Variants in MCM3AP observed in about 807,000 individuals in gnomAD.
The protein encoded by MCM3AP is germinal-center associated nuclear protein.
In MCM3AP, 126 loss-of-function variants were observed where a neutral mutation model predicts 184.1. The observed-to-expected ratio is 0.68, with a 90% confidence interval of 0.59 to 0.79. MCM3AP has a LOEUF of 0.79. Ranked by LOEUF, MCM3AP falls within the 30% of genes least tolerant of loss-of-function variation. The pLI, the probability that MCM3AP is intolerant of heterozygous loss-of-function variation, is 0.00. For missense variants in MCM3AP, 2,496 were observed against 2,479.2 expected (o/e 1.01, Z -0.14); for synonymous variants, 1,002 against 979.3 (o/e 1.02, Z -0.43).
At chr21:46,270,169 T>C in intron 9 of MCM3AP, 1 of 376,612 alleles carries the variant, frequency 2.7e-6, no homozygotes, top group Middle Eastern at 6.7e-4. Flanking sequence ...AGATTTTTCT[T>C]ATTTGAACCA....
chr21:46,247,079 C>T lies in MCM3AP; in HGVS notation c.4291-193G>A, dbSNP rs562776923. The T allele has an allele frequency of 2.7e-5, 15 of 564,612 alleles. No homozygotes were observed. In the East Asian group the frequency reaches 3.7e-4, roughly 14 times the overall value. 35.0% of individuals were successfully genotyped at this position (564,612 alleles called of 1,614,324 possible). ...TCCTGTAGTTATTTTAATTCCTGGC[C>T]CCTCTTTCCCTAAATCCAATTGTTA... On this transcript the variant is annotated intron_variant, in intron 20 of 27. Coordinates refer to ENST00000291688, the MANE Select transcript of MCM3AP (RefSeq NM_003906.5).
At chr21:46,242,070 A>G (rs2123815319) in intron 25 of MCM3AP, 1 of 152,188 alleles carries the variant, frequency 6.6e-6, no homozygotes, top group Non-Finnish European at 1.5e-5. Flanking sequence ...TTGAACTGAG[A>G]ATGGTTCTAT....
intron 26 of MCM3AP, among the ~76,000 whole-genome samples, chr21:46,237,242 T>C (rs978567848): frequency 2.0e-5 from 3 of 151,762 alleles, no homozygotes; most frequent in Non-Finnish European, 4.4e-5. Flanking sequence ...GCTGGGATTA[T>C]AGGCAAGTGC....
chr21:46,283,856 G>A lies in MCM3AP; in HGVS notation c.1220-18C>T. ...TAGAGAATCTAGGGGTTCAGAGAATGGACACTTAAACCATCAGATGTTTCC... is the reference window on the plus strand; with the variant it reads ...TAGAGAATCTAGGGGTTCAGAGAATAGACACTTAAACCATCAGATGTTTCC... On this transcript the variant is annotated intron_variant, in intron 1 of 27. Coordinates refer to ENST00000291688, the MANE Select transcript of MCM3AP (RefSeq NM_003906.5). 1 of 1,598,478 alleles carries A rather than the reference G, an allele frequency of 6.3e-7. No individual in the cohort carries two copies. The highest frequency in any genetic ancestry group is 8.6e-7 in the Non-Finnish European group (1 of 1,167,678).
In MCM3AP at chr21:46,260,868, C is replaced by G. The variant is rs771984220; in HGVS notation, c.3506G>C (p.Ser1169Thr). Residue 1169 changes from serine (S) to threonine (T), a missense_variant, in exon 15 of 28, where the codon AGC (serine) becomes ACC (threonine). Transcript: ENST00000291688. ...QERELVLSEL[S>T]QGLAVELMER... is the part of the protein sequence containing the mutation. ...CATCAGCTCCACGGCCAGGCCCTGG[C>G]TCAGCTCACTTAACACCAGCTCTCT... is the stretch of plus-strand genomic sequence containing the variant. The G allele has an allele frequency of 6.2e-7, 1 of 1,613,982 alleles. No individual in the cohort carries two copies. The highest frequency in any genetic ancestry group is 1.7e-5 in the Admixed American group (1 of 60,008).
chr21:46,261,347 C>T lies in MCM3AP; in HGVS notation c.3400G>A (p.Ala1134Thr), dbSNP rs552333274. 1.2e-6 allele frequency: 2 copies of T among 1,614,174 alleles called. No individual in the cohort carries two copies. The highest frequency in any genetic ancestry group is 2.7e-5 in the African/African-American group (2 of 75,060). The change falls in exon 14 of 28, where the codon GCA (alanine) becomes ACA (threonine). Residue 1134 changes from alanine (A) to threonine (T), a missense_variant. Coordinates refer to ENST00000291688, the MANE Select transcript of MCM3AP (RefSeq NM_003906.5). ...CTTTCCTTAGACACTTCTTCAGCTGCAATGTGCCTCAAAATGCCCGTGGTT... is the reference window on the plus strand; with the variant it reads ...CTTTCCTTAGACACTTCTTCAGCTGTAATGTGCCTCAAAATGCCCGTGGTT... ...AATTGILRHI[A>T]AEEVSKERER...
Position 46,246,629 on chromosome 21 carries a change from ATCT to A in MCM3AP, c.4545_4547del (p.Glu1515del). On this transcript the variant is annotated inframe_deletion and splice_region_variant, in exon 21 of 28. Transcript: ENST00000291688. ...ATAAACGAGACTTCCTTCACAAACCATCTTCTACTTCCTTCTCAACGGCGTCCC... is the reference window on the plus strand; with the variant it reads ...ATAAACGAGACTTCCTTCACAAACCATCTACTTCCTTCTCAACGGCGTCCC... 6.2e-7 allele frequency: 1 copy of A among 1,608,914 alleles called. No individual in the cohort carries two copies. The highest frequency in any genetic ancestry group is 8.5e-7 in the Non-Finnish European group (1 of 1,175,616).
At chr21:46,262,137 T>C (rs2081048447) in intron 13 of MCM3AP, among the ~76,000 whole-genome samples, 1 of 152,048 alleles carries the variant, frequency 6.6e-6, no homozygotes, top group Non-Finnish European at 1.5e-5. Context: ...AACAGAAAAA[T>C]GTGAGTAGAC....
At chr21:46,250,032 A>G (rs971437727) in intron 20 of MCM3AP, 3 of 154,532 alleles carry the variant, frequency 1.9e-5, no homozygotes, top group African/African-American at 7.2e-5. Flanking sequence ...TCCAGGACAG[A>G]GGGAACATGG....
At chr21:46,265,295 C>T in intron 12 of MCM3AP, 26 bp downstream of exon 12, 3 of 1,610,024 alleles carry the variant, frequency 1.9e-6, no homozygotes, top group Non-Finnish European at 2.5e-6. Flanking sequence ...TCCCAGAGTC[C>T]AGACCTAGAA....
chr21:46,273,885 A>C (rs532997202), intron 6 of MCM3AP, among the ~76,000 whole-genome samples: 75 of 152,342 alleles, frequency 4.9e-4, no homozygotes, highest in African/African-American at 1.7e-3. Context: ...GGGACAGGGA[A>C]GGGCCTCAAG....
At chr21:46,276,442 AT>A (rs1237457563) in intron 5 of MCM3AP, among the ~76,000 whole-genome samples, 3 of 149,926 alleles carry the variant, frequency 2.0e-5, no homozygotes, top group Non-Finnish European at 4.5e-5. Context: ...CCTATAGCTG[AT>A]TTTTTTTTTC....
At chr21:46,243,344 G>A (rs2080705705) in intron 24 of MCM3AP, 121 bp downstream of exon 24, 3 of 1,208,026 alleles carry the variant, frequency 2.5e-6, no homozygotes, top group South Asian at 3.0e-5. Flanking sequence ...GAAGTCCTAA[G>A]GAAAGGAAGG....
At chr21:46,269,733 G>A (rs1164948049) in intron 9 of MCM3AP, among the ~76,000 whole-genome samples, 1 of 152,260 alleles carries the variant, frequency 6.6e-6, no homozygotes, top group Non-Finnish European at 1.5e-5. Context: ...GGGCAGCAGA[G>A]TGTGTGCGAG....
intron 4 of MCM3AP, among the ~76,000 whole-genome samples, chr21:46,279,047 A>G (rs1367976789): frequency 6.6e-6 from 1 of 151,580 alleles, no homozygotes; most frequent in Non-Finnish European, 1.5e-5. Flanking sequence ...TTAGAAATGC[A>G]TGGTTTGGCC....
At chr21:46,281,395 T>G (rs2081330541) in intron 2 of MCM3AP, among the ~76,000 whole-genome samples, 2 of 152,226 alleles carry the variant, frequency 1.3e-5, no homozygotes. Context: ...ACAGGAGAGA[T>G]GAGGATATTC....
At chr21:46,273,015 G>A (rs1481971683) in intron 7 of MCM3AP, among the ~76,000 whole-genome samples, 186 bp from the exon 8 acceptor site, 1 of 151,182 alleles carries the variant, frequency 6.6e-6, no homozygotes, top group East Asian at 1.9e-4. Context: ...TTTTGAGACA[G>A]AAGCCAGGCT....
rs773411331 is a variant in MCM3AP, at chr21:46,284,890, C to A, written c.397G>T (p.Glu133Ter). The A allele has an allele frequency of 6.2e-7, 1 of 1,614,228 alleles. No homozygotes were observed. The highest frequency in any genetic ancestry group is 1.1e-5 in the South Asian group (1 of 91,092). Reference protein sequence around the residue: ...STSAFGQEAGEIVNSGFGKTE... With the variant: ...STSAFGQEAG Reference sequence around the variant, plus strand: ...TTCCCAAAACCAGAGTTCACTATTTCTCCAGCTTCTTGTCCAAAAGCAGAA... The same window carrying A: ...TTCCCAAAACCAGAGTTCACTATTTATCCAGCTTCTTGTCCAAAAGCAGAA... Residue 133 changes from glutamate (E) to a stop codon, truncating the protein, a stop_gained, in exon 1 of 28, where the codon GAA becomes TAA. Transcript: ENST00000291688. LOFTEE classifies it high-confidence loss of function.
At chr21:46,270,902 T>C (rs575608586) in intron 8 of MCM3AP, among the ~76,000 whole-genome samples, 4 of 152,322 alleles carry the variant, frequency 2.6e-5, no homozygotes, top group African/African-American at 7.2e-5. Context: ...CACGCTTGGA[T>C]TGGTTTGACA....
Sources: allele counts gnomAD v4.1 joint callset (sites outside exome capture counted in the v4.1 genomes callset), GRCh38; gene constraint gnomAD v4.1.1; transcripts MANE v1.5; gene names NCBI Gene and HGNC (gene_info 2026-07-23, HGNC 2026-07-21).